The following VPS13D variants were observed in gnomAD, a reference collection of about 807,000 sequenced individuals.
The protein encoded by VPS13D is vacuolar protein sorting 13 homolog D, also known as intermembrane lipid transfer protein VPS13D.
In VPS13D, 187 loss-of-function variants were observed where a neutral mutation model predicts 461.9. The ratio of observed to expected loss-of-function variants is 0.40; its 90% CI spans 0.36 to 0.46. The LOEUF (loss-of-function observed/expected upper bound fraction) is 0.46, where lower values mean the gene tolerates loss of function less well. Among genes scored for constraint, VPS13D ranks in the 20% least tolerant of loss-of-function variants. The probability of loss-of-function intolerance (pLI) is 0.60; values close to 1 mark genes in which losing one functional copy is unlikely to be tolerated. For synonymous variants in VPS13D, 1,951 were observed against 1,986.3 expected (o/e 0.98, Z 0.47); for missense variants, 4,711 against 5,364.9 (o/e 0.88, Z 3.81).
chr1:12,391,757 T>C (rs1644429823), intron 60 of VPS13D, among the ~76,000 whole-genome samples: 1 of 152,216 alleles, frequency 6.6e-6, no homozygotes, highest in Admixed American at 6.5e-5. Flanking sequence ...TGTAAATCTA[T>C]GTGATCAAAC....
At chr1:12,398,078 C>T (rs1002971897) in intron 60 of VPS13D, among the ~76,000 whole-genome samples, 7 of 152,038 alleles carry the variant, frequency 4.6e-5, no homozygotes, top group African/African-American at 1.2e-4. Flanking sequence ...GTGTATGACT[C>T]GATTTATAGT....
chr1:12,439,534 A>G (rs1363750584), intron 65 of VPS13D, among the ~76,000 whole-genome samples: 3 of 148,978 alleles, frequency 2.0e-5, no homozygotes, highest in African/African-American at 7.5e-5. Context: ...TCTTTATACT[A>G]TTTATTTTCT....
At chr1:12,388,528 T>C (rs552902656) in intron 60 of VPS13D, among the ~76,000 whole-genome samples, 2 of 151,086 alleles carry the variant, frequency 1.3e-5, no homozygotes, top group Non-Finnish European at 2.9e-5. Flanking sequence ...GAGCCAAGAT[T>C]GTGCCACTGC....
At chr1:12,457,974 T>C (rs370383667) in intron 66 of VPS13D, among the ~76,000 whole-genome samples, 1 of 152,254 alleles carries the variant, frequency 6.6e-6, no homozygotes, top group East Asian at 1.9e-4. Context: ...TGCTTTGTTA[T>C]GTGTGGTGGC....
Position 12,349,276 on chromosome 1 carries a change from G to T in VPS13D, c.9333G>T (p.Lys3111Asn). The T allele has an allele frequency of 6.2e-7, 1 of 1,614,156 alleles. No homozygotes were observed. Among genetic ancestry groups the T allele is most frequent in the Non-Finnish European group, 8.5e-7 (1 of 1,180,036 alleles). ...RPKGLGVFFC[K>N]APIHWTNVVK... is the part of the protein sequence containing the mutation. ...AAGGATTGGGTGTATTTTTCTGTAAGGCTCCCATTCATTGGACCAATGTAG... is the reference window on the plus strand; with the variant it reads ...AAGGATTGGGTGTATTTTTCTGTAATGCTCCCATTCATTGGACCAATGTAG... The change falls in exon 46 of 70, where the codon AAG (lysine) becomes AAT (asparagine). Residue 3111 changes from lysine (K) to asparagine (N), a missense_variant. Physicochemically the swap from Lys to Asn is moderately conservative, Grantham distance 94. Around this residue, in one of 3 missense-constraint regions of VPS13D, gnomAD observed 4,411 missense variants for 4,937.8 expected, o/e 0.89. Coordinates refer to ENST00000620676, the MANE Select transcript of VPS13D (RefSeq NM_015378.4).
chr1:12,444,203 A>C (rs965329966), intron 65 of VPS13D, among the ~76,000 whole-genome samples: 2 of 152,170 alleles, frequency 1.3e-5, no homozygotes, highest in African/African-American at 4.8e-5. Context: ...TTATTCTTTC[A>C]GTCTTTTATG....
At chr1:12,282,642 TG>T in intron 20 of VPS13D, 62 bp from the exon 21 acceptor site, 3 of 1,448,658 alleles carry the variant, frequency 2.1e-6, no homozygotes, top group Non-Finnish European at 2.8e-6. Flanking sequence ...TAGACATTTA[TG>T]GGCATTACAT....
chr1:12,446,264 A>G (rs867398647), intron 65 of VPS13D, among the ~76,000 whole-genome samples: 21 of 152,098 alleles, frequency 1.4e-4, no homozygotes, highest in Non-Finnish European at 2.5e-4. Flanking sequence ...TAAAAATACA[A>G]AAATTAGCCA....
chr1:12,320,475 A>G (rs1643007182), intron 32 of VPS13D, among the ~76,000 whole-genome samples: 1 of 152,220 alleles, frequency 6.6e-6, no homozygotes, highest in South Asian at 2.1e-4. Context: ...GTTTGAAGGA[A>G]TAAAACTTAT....
chr1:12,381,927 T>TTTCC (rs1644280736), intron 57 of VPS13D, among the ~76,000 whole-genome samples: 4 of 28,782 alleles, frequency 1.4e-4, no homozygotes, highest in Admixed American at 3.5e-4. Context: ...TTTTCTTTTC[T>TTTCC]TTCTTTCTTT....
chr1:12,459,948 ATTTTTTT>A (rs779399019), intron 66 of VPS13D, among the ~76,000 whole-genome samples: 6 of 122,130 alleles, frequency 4.9e-5, no homozygotes, highest in African/African-American at 1.6e-4. Context: ...CTTTTCTCTG[ATTTTTTT>A]TTTTTTTTTT....
At chr1:12,262,172 GA>G in intron 13 of VPS13D, 92 bp downstream of exon 13, 1 of 1,401,288 alleles carries the variant, frequency 7.1e-7, no homozygotes, top group East Asian at 2.3e-5. Context: ...GGATAGTCTA[GA>G]AAGTCAGTGC....
chr1:12,308,416 C>T lies in VPS13D; in HGVS notation c.6440-15C>T. ...CCCTTTTCTTCATTACCTCTCTTTCCTTGGGTCCTTGTAGAAGACCATGTC... is the reference window on the plus strand; with the variant it reads ...CCCTTTTCTTCATTACCTCTCTTTCTTTGGGTCCTTGTAGAAGACCATGTC... On this transcript the variant is annotated splice_polypyrimidine_tract_variant and intron_variant, in intron 26 of 69. Transcript: ENST00000620676. The T allele has an allele frequency of 6.2e-7, 1 of 1,613,930 alleles. No individual in the cohort carries two copies. The highest frequency in any genetic ancestry group is 8.5e-7 in the Non-Finnish European group (1 of 1,179,902).
Position 12,488,669 on chromosome 1 carries a change from CAAAAAA to C in VPS13D, c.12663-8813_12663-8808del, listed in dbSNP as rs79424685. ...GCTAAGGCAGGAAAATCATTTGAAC[CAAAAAA>C]AAAAAAAAAAAAAAAAAGTAGTGAA... On this transcript the variant is annotated intron_variant, in intron 67 of 69. Transcript: ENST00000620676. 1.9e-3 allele frequency among the ~76,000 whole-genome samples: 159 copies of C among 82,806 alleles called. 1 individual carries two copies. The East Asian group carries it at 0.041, about 21-fold the overall frequency. 54.3% of individuals were successfully genotyped at this position (82,806 alleles called of 152,430 possible).
chr1:12,283,876 C>G, intron 21 of VPS13D, 140 bp downstream of exon 21: 3 of 899,170 alleles, frequency 3.3e-6, no homozygotes. Context: ...GTGTTTGCTA[C>G]GAAAGGTAGA....
intron 65 of VPS13D, among the ~76,000 whole-genome samples, chr1:12,442,962 A>T (rs906902461): frequency 2.0e-5 from 3 of 152,218 alleles, no homozygotes; most frequent in African/African-American, 7.2e-5. Context: ...CATTTTTTAA[A>T]TTGTAGAAGA....
intron 52 of VPS13D, among the ~76,000 whole-genome samples, chr1:12,363,471 A>C (rs1643981193): frequency 6.6e-6 from 1 of 152,196 alleles, no homozygotes; most frequent in Non-Finnish European, 1.5e-5. Flanking sequence ...TAATCCAAAG[A>C]GTAACACTGA....
intron 52 of VPS13D, among the ~76,000 whole-genome samples, chr1:12,366,512 C>A (rs903564397): frequency 1.5e-4 from 23 of 152,118 alleles, no homozygotes; most frequent in African/African-American, 5.1e-4. Flanking sequence ...GATTCTATAG[C>A]GAAAACCACC....
chr1:12,467,457 A>T (rs570645125), intron 67 of VPS13D, among the ~76,000 whole-genome samples: 1 of 152,246 alleles, frequency 6.6e-6, no homozygotes, highest in African/African-American at 2.4e-5. Context: ...GGCGTGAGCC[A>T]CCACACCCAG....
Sources: allele counts gnomAD v4.1 joint callset (sites outside exome capture counted in the v4.1 genomes callset), GRCh38; gene constraint gnomAD v4.1.1; regional missense constraint gnomAD v4.1.1; transcripts MANE v1.5; gene names NCBI Gene and HGNC (gene_info 2026-07-23, HGNC 2026-07-21).